GRID2: variants seen among roughly 807,000 people sequenced by gnomAD.
The protein encoded by GRID2 is glutamate ionotropic receptor delta type subunit 2, also known as glutamate receptor ionotropic, delta-2.
GRID2 carries 33 observed loss-of-function variants against 114.8 expected under a neutral mutation model. That is an observed-to-expected ratio of 0.29 (90% CI 0.22 to 0.38). The LOEUF is 0.38. GRID2 is among the 10% of genes least tolerant of loss of function. The probability of loss-of-function intolerance (pLI) is 1.00; values close to 1 mark genes in which losing one functional copy is unlikely to be tolerated. For synonymous variants in GRID2, 505 were observed against 449.9 expected, an observed-to-expected ratio of 1.12 and a Z score of -1.55; for missense variants, 1,184 against 1,257.7, an observed-to-expected ratio of 0.94 and a Z score of 0.89.
intron 12 of GRID2, among the ~76,000 whole-genome samples, chr4:93,509,046 G>T (rs1332985609): frequency 1.3e-5 from 2 of 152,190 alleles, no homozygotes; most frequent in Non-Finnish European, 2.9e-5. Context: ...CCAAATTTTT[G>T]AAGGAACTTG....
intron 2 of GRID2, among the ~76,000 whole-genome samples, chr4:92,727,788 C>A (rs531699426): frequency 2.6e-5 from 4 of 152,132 alleles, no homozygotes; most frequent in African/African-American, 9.6e-5. Context: ...TCTTTGCATT[C>A]ATTCTCCTGT....
At chr4:93,302,361 G>A (rs139200671) in intron 8 of GRID2, among the ~76,000 whole-genome samples, 3 of 152,246 alleles carry the variant, frequency 2.0e-5, no homozygotes, top group East Asian at 1.9e-4. Context: ...ATTTTAAACC[G>A]TTTACTTGGA....
chr4:93,524,713 A>G (rs1391937182), intron 13 of GRID2, among the ~76,000 whole-genome samples: 1 of 149,940 alleles, frequency 6.7e-6, no homozygotes, highest in Non-Finnish European at 1.5e-5. Flanking sequence ...TTTATAGCAG[A>G]CAAATCATAC....
chr4:93,579,905 A>G (rs777541702), intron 13 of GRID2, among the ~76,000 whole-genome samples: 1 of 152,194 alleles, frequency 6.6e-6, no homozygotes, highest in Non-Finnish European at 1.5e-5. Flanking sequence ...GGAAAATAAG[A>G]CTGACTGGCA....
intron 10 of GRID2, among the ~76,000 whole-genome samples, chr4:93,437,653 T>C (rs933349566): frequency 2.0e-5 from 3 of 152,116 alleles, no homozygotes; most frequent in Non-Finnish European, 4.4e-5. Flanking sequence ...CCATAAAAAA[T>C]TAAAACTTTT....
chr4:93,386,888 C>T (rs1764367114), intron 8 of GRID2, among the ~76,000 whole-genome samples: 1 of 152,102 alleles, frequency 6.6e-6, no homozygotes, highest in Non-Finnish European at 1.5e-5. Context: ...GTAAAGAAGC[C>T]TCTGAATGGA....
intron 2 of GRID2, among the ~76,000 whole-genome samples, chr4:92,598,228 C>T (rs1441341332): frequency 6.6e-6 from 1 of 152,110 alleles, no homozygotes; most frequent in South Asian, 2.1e-4. Context: ...AATGAATCCG[C>T]CAGTACCTTT....
chr4:92,653,116 G>T (rs1732050450), intron 2 of GRID2, among the ~76,000 whole-genome samples: 1 of 149,592 alleles, frequency 6.7e-6, no homozygotes. Flanking sequence ...CTCTGCCTCA[G>T]CCTCTCAAGT....
chr4:93,378,373 A>G (rs777494323), intron 8 of GRID2, among the ~76,000 whole-genome samples: 1 of 152,148 alleles, frequency 6.6e-6, no homozygotes, highest in Non-Finnish European at 1.5e-5. Context: ...TTCCTGGGAA[A>G]TCAACCTTGT....
rs116028861 is a variant in GRID2 at position 93,417,512 on chromosome 4, A to G, written c.1348-5259A>G. Among the ~76,000 whole-genome samples, 893 of 152,196 alleles carry G rather than the reference A, an allele frequency of 5.9e-3. 4 individuals are homozygous for G. Among genetic ancestry groups the G allele is most frequent in the African/African-American group, 0.021 (853 of 41,552 alleles). On this transcript the variant is annotated intron_variant, in intron 9 of 15. Coordinates refer to ENST00000282020, the MANE Select transcript of GRID2 (RefSeq NM_001510.4). ...GAAAACACTACTCAGAGCAAAAAGC[A>G]GACGATTGTCATTACCACAGAAACC...
chr4:92,871,288 T>C (rs1227307200), intron 2 of GRID2, among the ~76,000 whole-genome samples: 2 of 152,030 alleles, frequency 1.3e-5, no homozygotes, highest in Admixed American at 1.3e-4. Context: ...TCAATGGTCA[T>C]TTAGCCACTG....
chr4:93,297,829 TG>T (rs1400654140), intron 8 of GRID2, among the ~76,000 whole-genome samples: 1 of 152,220 alleles, frequency 6.6e-6, no homozygotes, highest in Non-Finnish European at 1.5e-5. Context: ...ACCAATTTTC[TG>T]TACAAAATTT....
Position 93,304,765 on chromosome 4 carries a change from TA to T in GRID2, c.1245+66277del, listed in dbSNP as rs528087591. 3.3e-5 allele frequency among the ~76,000 whole-genome samples: 5 copies of T among 152,262 alleles called. No individual in the cohort carries two copies. In the South Asian group the frequency reaches 1.0e-3, roughly 32 times the overall value. On this transcript the variant is annotated intron_variant, in intron 8 of 15. Transcript: ENST00000282020. ...GTGTAATAGGTAGCAAATATTTTTT[TA>T]ATTGAATAGAAGGAGTGCAACAAAT...
At chr4:93,519,209 G>A (rs1730100803) in intron 13 of GRID2, among the ~76,000 whole-genome samples, 1 of 152,028 alleles carries the variant, frequency 6.6e-6, no homozygotes, top group Non-Finnish European at 1.5e-5. Context: ...GGAGAGTTTT[G>A]AACTGAAGAG....
At chr4:92,442,918 C>T (rs1323430536) in intron 1 of GRID2, among the ~76,000 whole-genome samples, 3 of 151,928 alleles carry the variant, frequency 2.0e-5, no homozygotes, top group Non-Finnish European at 4.4e-5. Context: ...AACTGTAAGC[C>T]GGACCAGGTG....
At chr4:92,331,697 A>AT (rs1033214447) in intron 1 of GRID2, among the ~76,000 whole-genome samples, 6 of 152,162 alleles carry the variant, frequency 3.9e-5, no homozygotes, top group African/African-American at 9.7e-5. Flanking sequence ...GAGCCAGACA[A>AT]TTTTTTTAAA....
intron 2 of GRID2, among the ~76,000 whole-genome samples, chr4:92,778,530 C>T (rs988333067): frequency 2.6e-5 from 4 of 151,946 alleles, no homozygotes; most frequent in South Asian, 2.1e-4. Context: ...AACGGTTTTA[C>T]GACATTGTGA....
intron 1 of GRID2, among the ~76,000 whole-genome samples, chr4:92,553,208 C>T (rs1726682472): frequency 6.6e-6 from 1 of 152,062 alleles, no homozygotes; most frequent in Non-Finnish European, 1.5e-5. Flanking sequence ...AACTTTGTTC[C>T]CAGAATGCAC....
At chr4:92,498,343 G>C (rs977926308) in intron 1 of GRID2, among the ~76,000 whole-genome samples, 1 of 151,788 alleles carries the variant, frequency 6.6e-6, no homozygotes, top group Non-Finnish European at 1.5e-5. Context: ...AAATTTATTA[G>C]AAATGATGAA....
Sources: gnomAD v4.1 joint callset for allele counts (sites outside exome capture counted in the v4.1 genomes callset) on GRCh38, gnomAD v4.1.1 for gene constraint, MANE v1.5 for transcripts, NCBI Gene and HGNC (gene_info 2026-07-23, HGNC 2026-07-21) for gene names.